Variants in PALS2 observed in about 807,000 individuals in gnomAD.
PALS2 encodes protein associated with LIN7 2, MAGUK p55 family member, also known as protein PALS2.
A neutral mutation model predicts 61.6 loss-of-function variants in PALS2; 27 were observed. The observed-to-expected ratio is 0.44, with a 90% CI of 0.32 to 0.60. The LOEUF is 0.60. PALS2 is among the 20% of genes least tolerant of loss of function. The probability of loss-of-function intolerance (pLI) is 0.05; values close to 1 mark genes in which losing one functional copy is unlikely to be tolerated. For synonymous variants in PALS2, 236 were observed against 218.6 expected (o/e 1.08, Z -0.70); for missense variants, 554 against 639.4 (o/e 0.87, Z 1.44).
At chr7:24,642,135 A>G (rs1785589317) in intron 3 of PALS2, among the ~76,000 whole-genome samples, 1 of 152,174 alleles carries the variant, frequency 6.6e-6, no homozygotes. Flanking sequence ...AACAACCTTA[A>G]TTCACCGTCA....
intron 1 of PALS2, chr7:24,620,091 A>G (rs527477429): frequency 1.1e-4 from 16 of 152,344 alleles, no homozygotes; most frequent in Middle Eastern, 3.4e-3. Context: ...TCACGAAAGT[A>G]CATTATTTGA....
intron 11 of PALS2, among the ~76,000 whole-genome samples, chr7:24,682,424 A>G (rs1054359682): frequency 1.3e-5 from 2 of 152,112 alleles, no homozygotes; most frequent in Admixed American, 6.5e-5. Flanking sequence ...CCGTCCTGCA[A>G]ACTCTTGCCA....
chr7:24,582,956 G>A (rs1235415266), intron 1 of PALS2, among the ~76,000 whole-genome samples: 1 of 143,282 alleles, frequency 7.0e-6, no homozygotes, highest in African/African-American at 2.6e-5. Context: ...GTGCAGTGGC[G>A]TGATCTCGGC....
At chr7:24,647,826 A>G (rs1472557406) in intron 3 of PALS2, among the ~76,000 whole-genome samples, 3 of 152,120 alleles carry the variant, frequency 2.0e-5, no homozygotes, top group Non-Finnish European at 4.4e-5. Flanking sequence ...ATCTTTTACA[A>G]TCCCTACTTT....
intron 2 of PALS2, among the ~76,000 whole-genome samples, chr7:24,640,501 C>T (rs1785468256): frequency 6.6e-6 from 1 of 152,130 alleles, no homozygotes; most frequent in Non-Finnish European, 1.5e-5. Flanking sequence ...TTTTCTTTAG[C>T]AATCCTTGAA....
intron 2 of PALS2, among the ~76,000 whole-genome samples, chr7:24,637,652 T>A (rs1285203991): frequency 1.3e-5 from 2 of 152,200 alleles, no homozygotes. Flanking sequence ...AACAATAATA[T>A]GATTGTTATT....
chr7:24,611,620 T>C (rs1784115315), intron 1 of PALS2, among the ~76,000 whole-genome samples: 1 of 151,946 alleles, frequency 6.6e-6, no homozygotes, highest in South Asian at 2.1e-4. Context: ...TTTAATTATA[T>C]AGGTTTATCA....
At chr7:24,589,229 C>T (rs888109155) in intron 1 of PALS2, 2 of 152,122 alleles carry the variant, frequency 1.3e-5, no homozygotes, top group African/African-American at 2.4e-5. Flanking sequence ...ATTGGCCTCC[C>T]ATCACATCCA....
intron 1 of PALS2, among the ~76,000 whole-genome samples, chr7:24,612,307 C>T (rs1007738985): frequency 1.3e-5 from 2 of 151,816 alleles, no homozygotes; most frequent in African/African-American, 4.8e-5. Flanking sequence ...TTTGTCTGTT[C>T]CTATGATAAT....
intron 5 of PALS2, among the ~76,000 whole-genome samples, chr7:24,653,449 C>G (rs1280229791): frequency 6.6e-6 from 1 of 151,976 alleles, no homozygotes; most frequent in Non-Finnish European, 1.5e-5. Flanking sequence ...AGAAGCTTTC[C>G]CTTTAAAGTC....
rs188816786 is a variant in PALS2, at chr7:24,585,675, C to T, written c.-3+12082C>T. Among the ~76,000 whole-genome samples, 9 of 152,174 alleles carry T rather than the reference C, an allele frequency of 5.9e-5. No individual in the cohort carries two copies. In the East Asian group the frequency reaches 1.7e-3, roughly 29 times the overall value. On this transcript the variant is annotated intron_variant, in intron 1 of 11. Transcript: ENST00000222644. ...CCCTCCTTTCCAACACACTGCAATT[C>T]TAGATTGAAGACTGCACATTTATTT... is the stretch of plus-strand genomic sequence containing the variant.
chr7:24,583,842 T>G (rs1782948085), intron 1 of PALS2, among the ~76,000 whole-genome samples: 1 of 151,698 alleles, frequency 6.6e-6, no homozygotes. Context: ...CCCCAGAGTG[T>G]GATATTCCCC....
At chr7:24,594,417 C>G (rs1783422193) in intron 1 of PALS2, among the ~76,000 whole-genome samples, 1 of 152,128 alleles carries the variant, frequency 6.6e-6, no homozygotes, top group Admixed American at 6.6e-5. Context: ...GGCTGTTTAG[C>G]TCAAGAGGCC....
chr7:24,652,537 G>C (rs762025673), intron 5 of PALS2, among the ~76,000 whole-genome samples: 17 of 151,868 alleles, frequency 1.1e-4, no homozygotes, highest in South Asian at 4.1e-4. Flanking sequence ...CTCCCATAAA[G>C]AAGTAAAGAA....
chr7:24,622,860 T>C (rs560626989), intron 1 of PALS2, among the ~76,000 whole-genome samples: 1 of 152,038 alleles, frequency 6.6e-6, no homozygotes, highest in African/African-American at 2.4e-5. Context: ...ATTTCCCTTC[T>C]ATTTTTAGTT....
chr7:24,601,059 G>C (rs1183018288), intron 1 of PALS2, among the ~76,000 whole-genome samples: 3 of 152,004 alleles, frequency 2.0e-5, no homozygotes, highest in African/African-American at 7.3e-5. Context: ...TTAGCTGACT[G>C]TTTTGGTATC....
rs374989740 is a variant in PALS2, at chr7:24,576,800, TGGA to T, written c.-3+3212_-3+3214del. 3.8e-4 allele frequency among the ~76,000 whole-genome samples: 58 copies of T among 152,312 alleles called. 1 individual carries two copies. Among genetic ancestry groups the T allele is most frequent in the Middle Eastern group, 3.4e-3 (1 of 294 alleles). ...TTGGTCTCCTCTTATAAAAAGCTTT[TGGA>T]GGAGAAGATATTGAAGCATCCCATG... is the stretch of plus-strand genomic sequence containing the variant. On this transcript the variant is annotated intron_variant, in intron 1 of 11. Coordinates refer to ENST00000222644, the MANE Select transcript of PALS2 (RefSeq NM_001303037.2).
intron 11 of PALS2, among the ~76,000 whole-genome samples, chr7:24,685,281 T>G (rs547670397): frequency 6.6e-6 from 1 of 152,374 alleles, no homozygotes; most frequent in African/African-American, 2.4e-5. Flanking sequence ...TGTTTTATTT[T>G]GCTTCTGATT....
intron 3 of PALS2, 95 bp downstream of exon 3, chr7:24,641,963 AT>A: frequency 7.5e-7 from 1 of 1,337,576 alleles, no homozygotes; most frequent in Admixed American, 2.2e-5. Context: ...TTCAAAGATT[AT>A]TTAGGGCTAT....
Sources: gnomAD v4.1 joint callset for allele counts (sites outside exome capture counted in the v4.1 genomes callset) on GRCh38, gnomAD v4.1.1 for gene constraint, MANE v1.5 for transcripts, NCBI Gene and HGNC (gene_info 2026-07-23, HGNC 2026-07-21) for gene names.